The following XRCC2 variants were observed in gnomAD, a reference collection of about 807,000 sequenced individuals.
XRCC2 encodes X-ray repair cross complementing 2.
Under a neutral mutation model 27.3 loss-of-function variants are expected in XRCC2, and 24 were observed. The ratio of observed to expected loss-of-function variants is 0.88; its 90% CI spans 0.64 to 1.24. The LOEUF (loss-of-function observed/expected upper bound fraction) is 1.24. Among genes scored for constraint, XRCC2 ranks in the 50% most tolerant of loss-of-function variants. The pLI, the probability that XRCC2 is intolerant of heterozygous loss-of-function variation, is 0.00. For missense variants in XRCC2, 321 were observed against 325.8 expected (o/e 0.99, Z 0.11); for synonymous variants, 106 against 115.4 (o/e 0.92, Z 0.52).
intron 1 of XRCC2, among the ~76,000 whole-genome samples, chr7:152,672,159 A>C (rs992935711): frequency 3.9e-5 from 6 of 152,314 alleles, no homozygotes; most frequent in Admixed American, 2.6e-4. Flanking sequence ...TGCGTAGGTA[A>C]ATAGCTTAGA....
chr7:152,661,367 C>G (rs2098033000), intron 1 of XRCC2, among the ~76,000 whole-genome samples: 1 of 152,190 alleles, frequency 6.6e-6, no homozygotes, highest in East Asian at 1.9e-4. Flanking sequence ...TTAACTTTCA[C>G]ACAGTTAATT....
chr7:152,667,428 A>AAAAAAAAAAAAAAAG (rs1563032964), intron 1 of XRCC2, among the ~76,000 whole-genome samples: 1 of 77,926 alleles, frequency 1.3e-5, no homozygotes, highest in African/African-American at 5.1e-5. Context: ...AAAAAAAAAG[A>AAAAAAAAAAAAAAAG]AAAAAAGTAT....
chr7:152,659,246 A>T (rs776479094), intron 2 of XRCC2, among the ~76,000 whole-genome samples: 1 of 152,188 alleles, frequency 6.6e-6, no homozygotes, highest in African/African-American at 2.4e-5. Flanking sequence ...ATAAAAAGTT[A>T]TATGTGCTTA....
At chr7:152,651,241 T>C (rs768060378) in intron 2 of XRCC2, among the ~76,000 whole-genome samples, 1 of 152,064 alleles carries the variant, frequency 6.6e-6, no homozygotes, top group Admixed American at 6.5e-5. Context: ...CACCTGGCCT[T>C]TCTTATTATT....
chr7:152,665,607 A>C (rs2098035299), intron 1 of XRCC2, among the ~76,000 whole-genome samples: 1 of 145,386 alleles, frequency 6.9e-6, no homozygotes, highest in Admixed American at 7.2e-5. Context: ...CGGCCTCCCA[A>C]GTAGCTGGAC....
chr7:152,664,296 A>T (rs568543801), intron 1 of XRCC2, among the ~76,000 whole-genome samples: 1 of 152,316 alleles, frequency 6.6e-6, no homozygotes, highest in East Asian at 1.9e-4. Context: ...TGGCTGTGAT[A>T]GTTAATTGTA....
chr7:152,672,519 T>G (rs1326189325), intron 1 of XRCC2, among the ~76,000 whole-genome samples: 4 of 152,202 alleles, frequency 2.6e-5, no homozygotes, highest in Non-Finnish European at 5.9e-5. Context: ...ACCACCTTCA[T>G]TTCACAAAAG....
At chr7:152,655,254 TAAGGAAAAGA>T in intron 2 of XRCC2, among the ~76,000 whole-genome samples, 1 of 152,066 alleles carries the variant, frequency 6.6e-6, no homozygotes, top group South Asian at 2.1e-4. Context: ...TCCTTCAAAA[TAAGGAAAAGA>T]AAGGAAAAGC....
chr7:152,669,212 C>T (rs953709283), intron 1 of XRCC2, among the ~76,000 whole-genome samples: 1 of 152,034 alleles, frequency 6.6e-6, no homozygotes, highest in Non-Finnish European at 1.5e-5. Context: ...CCCACCTCTA[C>T]AGAAAAATAA....
At chr7:152,661,511 C>G (rs2098033066) in intron 1 of XRCC2, among the ~76,000 whole-genome samples, 1 of 152,254 alleles carries the variant, frequency 6.6e-6, no homozygotes, top group South Asian at 2.1e-4. Flanking sequence ...CACCTGGGCT[C>G]TCTCCTAAGT....
chr7:152,670,905 T>A (rs1486715545), intron 1 of XRCC2, among the ~76,000 whole-genome samples: 3 of 152,206 alleles, frequency 2.0e-5, no homozygotes, highest in African/African-American at 4.8e-5. Flanking sequence ...CAGATGTTTT[T>A]AAACATCATT....
chr7:152,660,371 G>T (rs1192980978), intron 2 of XRCC2, among the ~76,000 whole-genome samples: 2 of 152,102 alleles, frequency 1.3e-5, no homozygotes, highest in African/African-American at 4.8e-5. Context: ...CTAACAAGTG[G>T]GTACCCAAGG....
rs3218547 is a variant in XRCC2 at position 152,647,449 on chromosome 7, G to T, written c.*1193C>A. On this transcript the variant is annotated 3_prime_UTR_variant, in exon 3 of 3. Transcript: ENST00000359321. ...TGCTTCTGTTGCAATTGTTTTTGGC[G>T]TCTTCGTCATGAAATCTTTGCCTGT... The T allele has an allele frequency of 0.18, 26,252 of 149,702 alleles. 2,580 individuals carry two copies. Among genetic ancestry groups the T allele is most frequent in the Non-Finnish European group, 0.23 (15,383 of 67,984 alleles). 9.3% of individuals were successfully genotyped at this position (149,702 alleles called of 1,614,324 possible). A position where few individuals can be genotyped will look rare whatever the true frequency, so the allele number is the denominator to read the frequency against.
chr7:152,649,485 C>A, intron 2 of XRCC2, 122 bp from the exon 3 acceptor site: 1 of 1,278,044 alleles, frequency 7.8e-7, no homozygotes. Flanking sequence ...TCTAAATTCA[C>A]TTTTGCCAAA....
At chr7:152,674,740 A>AT (rs369118726) in intron 1 of XRCC2, among the ~76,000 whole-genome samples, 1,435 of 5,794 alleles carry the variant, frequency 0.25, 270 homozygotes, top group Middle Eastern at 0.43. Flanking sequence ...ATTATATATA[A>AT]ATATATTTTT....
chr7:152,648,428 A>T lies in XRCC2; in HGVS notation c.*214T>A. The T allele has an allele frequency of 5.9e-6, 2 of 338,130 alleles. No individual in the cohort carries two copies. The highest frequency in any genetic ancestry group is 4.6e-5 in the East Asian group (1 of 21,612). 20.9% of individuals were successfully genotyped at this position (338,130 alleles called of 1,614,324 possible). On this transcript the variant is annotated 3_prime_UTR_variant, in exon 3 of 3. Transcript: ENST00000359321. ...GTTTCAAAAAGAAAAAAAAAAAAAA[A>T]GAAAACTTTTGGCCACGAGCAGTGG...
chr7:152,669,272 G>A (rs1229075872), intron 1 of XRCC2, among the ~76,000 whole-genome samples: 4 of 152,112 alleles, frequency 2.6e-5, no homozygotes. Flanking sequence ...TCCTGTCTGG[G>A]CGATTATCTG....
At chr7:152,673,176 TA>T (rs1251149247) in intron 1 of XRCC2, among the ~76,000 whole-genome samples, 1 of 152,072 alleles carries the variant, frequency 6.6e-6, no homozygotes, top group East Asian at 1.9e-4. Flanking sequence ...TAGAATCTGC[TA>T]AAAAAATATA....
intron 1 of XRCC2, among the ~76,000 whole-genome samples, chr7:152,667,844 G>A (rs2098036605): frequency 6.6e-6 from 1 of 151,966 alleles, no homozygotes; most frequent in Non-Finnish European, 1.5e-5. Flanking sequence ...TGGCTGACAT[G>A]GTGAAACCCC....
Sources: gnomAD v4.1 joint callset for allele counts (sites outside exome capture counted in the v4.1 genomes callset) on GRCh38, gnomAD v4.1.1 for gene constraint, MANE v1.5 for transcripts, NCBI Gene and HGNC (gene_info 2026-07-23, HGNC 2026-07-21) for gene names.